RBM19: variants seen among roughly 807,000 people sequenced by gnomAD.
The protein encoded by RBM19 is probable RNA-binding protein 19.
Under a neutral mutation model 116.8 loss-of-function variants are expected in RBM19, and 94 were observed. That is an observed-to-expected ratio of 0.80 (90% CI 0.68 to 0.95). The LOEUF (loss-of-function observed/expected upper bound fraction) is 0.95. Among genes scored for constraint, RBM19 ranks in the 40% least tolerant of loss-of-function variants. RBM19 has a pLI of 0.00. For synonymous variants in RBM19, 475 were observed against 494.1 expected, an observed-to-expected ratio of 0.96 and a Z score of 0.51; for missense variants, 1,161 against 1,220.7, an observed-to-expected ratio of 0.95 and a Z score of 0.73.
chr12:113,952,820 G>A (rs933195862), intron 7 of RBM19, among the ~76,000 whole-genome samples: 13 of 152,136 alleles, frequency 8.5e-5, no homozygotes, highest in African/African-American at 1.9e-4. Context: ...CACTATCAGC[G>A]TTAAAATAGC....
intron 1 of RBM19, 65 bp from the exon 2 acceptor site, chr12:113,962,479 G>T: frequency 6.7e-7 from 1 of 1,503,294 alleles, no homozygotes. Flanking sequence ...GACAAAATGG[G>T]CTGGAAACCT....
At chr12:113,832,888 C>G (rs181990547) in intron 23 of RBM19, among the ~76,000 whole-genome samples, 7 of 152,226 alleles carry the variant, frequency 4.6e-5, no homozygotes, top group African/African-American at 1.7e-4. Flanking sequence ...CAAAGGCTGA[C>G]GTGGGGATAA....
chr12:113,964,085 G>A lies in RBM19; in HGVS notation c.37-1671C>T, dbSNP rs145908964. Among the ~76,000 whole-genome samples, 233 of 152,306 alleles carry A rather than the reference G, an allele frequency of 1.5e-3. 6 individuals are homozygous for A. The East Asian group carries it at 0.032, about 21-fold the overall frequency. On this transcript the variant is annotated intron_variant, in intron 1 of 23. Coordinates refer to ENST00000261741, the MANE Select transcript of RBM19 (RefSeq NM_016196.4). Reference sequence around the variant, plus strand: ...GCCTCTCTTTTCTGCTAGCCTGCAAGTCCCATTAAAAATAAGGACACAGGC... The same window carrying A: ...GCCTCTCTTTTCTGCTAGCCTGCAAATCCCATTAAAAATAAGGACACAGGC...
intron 21 of RBM19, among the ~76,000 whole-genome samples, chr12:113,888,106 C>T (rs1228538714): frequency 6.6e-6 from 1 of 152,192 alleles, no homozygotes; most frequent in African/African-American, 2.4e-5. Context: ...TCCTCCCACT[C>T]CCTGGCCAAC....
chr12:113,961,682 C>G (rs77600130), intron 2 of RBM19, among the ~76,000 whole-genome samples: 1 of 152,198 alleles, frequency 6.6e-6, no homozygotes, highest in African/African-American at 2.4e-5. Flanking sequence ...GCCCACTCCT[C>G]CAGGAAGCTT....
At chr12:113,838,140 C>T (rs972118465) in intron 23 of RBM19, among the ~76,000 whole-genome samples, 1 of 152,226 alleles carries the variant, frequency 6.6e-6, no homozygotes, top group African/African-American at 2.4e-5. Context: ...GCTCAGGACA[C>T]TGGGAGGGAA....
At chr12:113,926,270 G>A (rs764773098) in intron 17 of RBM19, among the ~76,000 whole-genome samples, 1 of 152,234 alleles carries the variant, frequency 6.6e-6, no homozygotes, top group Non-Finnish European at 1.5e-5. Flanking sequence ...AGGGTTCAGA[G>A]GGATTTTTAG....
At chr12:113,957,180 C>T (rs554865844) in intron 6 of RBM19, among the ~76,000 whole-genome samples, 5 of 152,348 alleles carry the variant, frequency 3.3e-5, no homozygotes, top group African/African-American at 1.2e-4. Context: ...CCCCACTGGA[C>T]TAGCATCTCA....
downstream of RBM19, among the ~76,000 whole-genome samples, chr12:113,821,627 G>A (rs1874422059): frequency 6.6e-6 from 1 of 152,136 alleles, no homozygotes; most frequent in South Asian, 2.1e-4. Flanking sequence ...ATAAAAGCTG[G>A]AGAATGTGGC....
chr12:113,900,024 C>G (rs1049484068), intron 21 of RBM19, among the ~76,000 whole-genome samples: 3 of 152,096 alleles, frequency 2.0e-5, no homozygotes, highest in Non-Finnish European at 2.9e-5. Flanking sequence ...TGCCACCCTT[C>G]CCCCGGTACA....
intron 14 of RBM19, 83 bp downstream of exon 14, chr12:113,942,241 A>T: frequency 2.5e-6 from 3 of 1,181,630 alleles, no homozygotes; most frequent in Non-Finnish European, 2.4e-6. Context: ...CCAGATCCTT[A>T]AATCCATCTG....
rs979065366 is a variant in RBM19, at chr12:113,927,322, G to A, written c.2069-93C>T. 2.0e-5 allele frequency: 29 copies of A among 1,442,424 alleles called. No individual in the cohort carries two copies. In the African/African-American group the frequency reaches 3.6e-4, roughly 18 times the overall value. The allele number at this position is 1,442,424 out of a possible 1,614,324, so 89.4% of individuals were successfully genotyped here. ...AGAGCCCTGGGGCCAACTGCAAAAAGCCCACTAGGTAAAGGGGTTCTGCCT... is the reference window on the plus strand; with the variant it reads ...AGAGCCCTGGGGCCAACTGCAAAAAACCCACTAGGTAAAGGGGTTCTGCCT... On this transcript the variant is annotated intron_variant, in intron 16 of 23. Coordinates refer to ENST00000261741, the MANE Select transcript of RBM19 (RefSeq NM_016196.4).
chr12:113,956,849 G>A (rs985024099), intron 6 of RBM19, among the ~76,000 whole-genome samples: 2 of 152,108 alleles, frequency 1.3e-5, no homozygotes, highest in South Asian at 2.1e-4. Flanking sequence ...CTCCAGGCCT[G>A]TTTCCTCATC....
rs11338829 is a variant in RBM19, at chr12:113,908,573, CAAAAAAAAA to C, written c.2558+6387_2558+6395del. On this transcript the variant is annotated intron_variant, in intron 21 of 23. Coordinates refer to ENST00000261741, the MANE Select transcript of RBM19 (RefSeq NM_016196.4). The stretch of plus-strand genomic sequence containing the variant: ...GTTCACACCTCAAGGAAGAAAATAG[CAAAAAAAAA>C]AAAAAAAAAAAAAAAAAAAAAGATG... Among the ~76,000 whole-genome samples the C allele has an allele frequency of 5.7e-4, 19 of 33,220 alleles. No individual in the cohort carries two copies. The East Asian group carries it at 0.024, about 42-fold the overall frequency. 21.8% of individuals were successfully genotyped at this position (33,220 alleles called of 152,430 possible). A position where few individuals can be genotyped will look rare whatever the true frequency, so the allele number is the denominator to read the frequency against.
rs769662477 is a variant in RBM19, at chr12:113,915,095, T to TG, written c.2442-11dup. ...CAATGTCACGGCTGGCCTGGAGTGGTGGGGGGAGAGGGTCCAAGTTATTCG... is the reference window on the plus strand; with the variant it reads ...CAATGTCACGGCTGGCCTGGAGTGGTGGGGGGGAGAGGGTCCAAGTTATTCG... On this transcript the variant is annotated splice_polypyrimidine_tract_variant and intron_variant, in intron 20 of 23. Transcript: ENST00000261741. 12 of 1,610,366 alleles carry TG rather than the reference T, an allele frequency of 7.5e-6. No individual in the cohort carries two copies. The East Asian group carries it at 8.9e-5, about 12-fold the overall frequency.
intron 16 of RBM19, among the ~76,000 whole-genome samples, chr12:113,931,887 T>C (rs1416113212): frequency 6.6e-6 from 1 of 152,222 alleles, no homozygotes; most frequent in East Asian, 1.9e-4. Flanking sequence ...AGCCCTGTCC[T>C]ATTCCATCAT....
rs768347977 is a variant in RBM19 at position 113,823,201 on chromosome 12, C to A, written c.*23G>T. The A allele has an allele frequency of 6.2e-7, 1 of 1,602,356 alleles. No individual in the cohort carries two copies. Among genetic ancestry groups the A allele is most frequent in the Non-Finnish European group, 8.5e-7 (1 of 1,176,868 alleles). On this transcript the variant is annotated 3_prime_UTR_variant, in exon 24 of 24. Coordinates refer to ENST00000261741, the MANE Select transcript of RBM19 (RefSeq NM_016196.4). ...TGTCCCGGTCCCCAGGGCCCCGGAG[C>A]CACACACCCTCTCGGTGCCAGCTCA...
intron 6 of RBM19, among the ~76,000 whole-genome samples, chr12:113,956,316 C>T (rs575111968): frequency 2.0e-5 from 3 of 152,240 alleles, no homozygotes; most frequent in Admixed American, 1.3e-4. Context: ...TGCAGTGGCT[C>T]AGGCCTGTAA....
chr12:113,950,178 TA>T, intron 8 of RBM19, 24 bp from the exon 9 acceptor site: 1 of 1,569,758 alleles, frequency 6.4e-7, no homozygotes, highest in Non-Finnish European at 8.8e-7. Context: ...ATGACAGAGG[TA>T]AAATCTGCAG....
Sources: allele counts gnomAD v4.1 joint callset (sites outside exome capture counted in the v4.1 genomes callset), GRCh38; gene constraint gnomAD v4.1.1; transcripts MANE v1.5; gene names NCBI Gene and HGNC (gene_info 2026-07-23, HGNC 2026-07-21).